The following TTC29 variants were observed in gnomAD, a reference collection of about 807,000 sequenced individuals.
TTC29 encodes tetratricopeptide repeat protein 29.
In TTC29, 49 loss-of-function variants were observed where a neutral mutation model predicts 58.1. The ratio of observed to expected loss-of-function variants is 0.84; its 90% CI spans 0.67 to 1.07. The LOEUF is 1.07. Among genes scored for constraint, TTC29 ranks in the 50% least tolerant of loss-of-function variants. The probability of loss-of-function intolerance (pLI) is 0.00; values close to 1 mark genes in which losing one functional copy is unlikely to be tolerated. For missense variants in TTC29, 582 were observed against 555.6 expected (o/e 1.05, Z -0.48); for synonymous variants, 209 against 196.8 (o/e 1.06, Z -0.52).
At chr4:146,799,237 G>A (rs1288465008) in intron 11 of TTC29, among the ~76,000 whole-genome samples, 1 of 152,168 alleles carries the variant, frequency 6.6e-6, no homozygotes, top group Non-Finnish European at 1.5e-5. Flanking sequence ...GTTCCTCTGT[G>A]ATTATAAGAT....
At chr4:146,882,916 A>G (rs1476331864) in intron 6 of TTC29, among the ~76,000 whole-genome samples, 1 of 152,018 alleles carries the variant, frequency 6.6e-6, no homozygotes, top group East Asian at 1.9e-4. Context: ...ACTATGTGCC[A>G]GGCGTGACAC....
intron 11 of TTC29, among the ~76,000 whole-genome samples, chr4:146,743,217 G>A (rs1745293526): frequency 6.6e-6 from 1 of 151,996 alleles, no homozygotes. Context: ...TTGGGAGGGT[G>A]GGTGAATGCA....
Position 146,751,853 on chromosome 4 carries a change from A to G in TTC29, c.1331-44302T>C, listed in dbSNP as rs145055084. On this transcript the variant is annotated intron_variant, in intron 11 of 12. Coordinates refer to ENST00000325106, the MANE Select transcript of TTC29 (RefSeq NM_031956.4). ...ATAAAAATCAGAACAGAAATAAATC[A>G]AATACAAAATAGAAAAATCATAAAA... is the stretch of plus-strand genomic sequence containing the variant. Among the ~76,000 whole-genome samples the G allele has an allele frequency of 2.0e-3, 312 of 152,300 alleles. 1 individual carries two copies. The highest frequency in any genetic ancestry group is 6.8e-3 in the Middle Eastern group (2 of 294).
intron 4 of TTC29, among the ~76,000 whole-genome samples, chr4:146,929,581 A>G (rs1735169285): frequency 6.6e-6 from 1 of 152,206 alleles, no homozygotes; most frequent in South Asian, 2.1e-4. Flanking sequence ...ATGCCTCCAC[A>G]GCCCTCCTTA....
At chr4:146,897,798 A>G (rs939508756) in intron 6 of TTC29, among the ~76,000 whole-genome samples, 1 of 152,190 alleles carries the variant, frequency 6.6e-6, no homozygotes, top group Non-Finnish European at 1.5e-5. Context: ...CAGTAAATGG[A>G]ATATTTGTCT....
intron 6 of TTC29, among the ~76,000 whole-genome samples, chr4:146,888,853 A>G (rs1031273043): frequency 6.6e-6 from 1 of 152,158 alleles, no homozygotes; most frequent in Non-Finnish European, 1.5e-5. Context: ...AAGAGCAGAC[A>G]GCGTCTGCTC....
intron 10 of TTC29, among the ~76,000 whole-genome samples, chr4:146,817,112 T>A (rs1429299129): frequency 1.3e-5 from 2 of 152,110 alleles, no homozygotes. Context: ...AAATAAAGGG[T>A]ATTCAATTAG....
rs186216894 is a variant in TTC29 at position 146,778,451 on chromosome 4, A to C, written c.1330+25006T>G. ...AAATTAACATAATCACACTGTGCAT[A>C]GAGAACATGGTCTGTATGATATCAA... On this transcript the variant is annotated intron_variant, in intron 11 of 12. Coordinates refer to ENST00000325106, the MANE Select transcript of TTC29 (RefSeq NM_031956.4). Among the ~76,000 whole-genome samples the C allele has an allele frequency of 6.6e-5, 10 of 152,300 alleles. No individual in the cohort carries two copies. In the East Asian group the frequency reaches 1.9e-3, roughly 29 times the overall value.
intron 6 of TTC29, among the ~76,000 whole-genome samples, chr4:146,882,456 TCA>T (rs1354999041): frequency 2.0e-5 from 3 of 152,144 alleles, no homozygotes; most frequent in African/African-American, 7.2e-5. Flanking sequence ...ACTATTTTCC[TCA>T]TATAATAAAT....
At chr4:146,773,864 A>C (rs1466337237) in intron 11 of TTC29, among the ~76,000 whole-genome samples, 1 of 151,570 alleles carries the variant, frequency 6.6e-6, no homozygotes, top group Non-Finnish European at 1.5e-5. Context: ...CTGTGAATCC[A>C]TCTGGTCCTG....
intron 4 of TTC29, among the ~76,000 whole-genome samples, chr4:146,919,753 A>C (rs1039489828): frequency 6.6e-6 from 1 of 151,120 alleles, no homozygotes; most frequent in African/African-American, 2.4e-5. Context: ...ATTTTCTTTT[A>C]GTTTTCTACA....
Position 146,707,488 on chromosome 4 carries a change from C to CTGAG in TTC29, c.1390_1393dup (p.Ser465ThrfsTer3). 1 of 1,608,962 alleles carries CTGAG rather than the reference C, an allele frequency of 6.2e-7. No individual in the cohort carries two copies. The highest frequency in any genetic ancestry group is 2.2e-5 in the East Asian group (1 of 44,786). On this transcript the variant is annotated frameshift_variant, in exon 12 of 13. Coordinates refer to ENST00000325106, the MANE Select transcript of TTC29 (RefSeq NM_031956.4). LOFTEE classifies it low-confidence loss of function (END_TRUNC). ...CTTTTTACTTGATTTATCATACCTA[C>CTGAG]TGAGTTCTTCCAAACGTTCTGAGTT...
intron 11 of TTC29, among the ~76,000 whole-genome samples, chr4:146,801,978 CAAAAA>C (rs57486017): frequency 4.4e-4 from 17 of 38,792 alleles, no homozygotes; most frequent in South Asian, 1.9e-3. Flanking sequence ...GACTCTGTCT[CAAAAA>C]AAAAAAAAAA....
intron 11 of TTC29, among the ~76,000 whole-genome samples, chr4:146,801,600 C>T (rs1750220491): frequency 6.7e-6 from 1 of 149,882 alleles, no homozygotes; most frequent in African/African-American, 2.4e-5. Flanking sequence ...CTCCTAAGTC[C>T]TGTTGGAAAA....
intron 6 of TTC29, among the ~76,000 whole-genome samples, chr4:146,878,471 C>T (rs1269709344): frequency 6.6e-6 from 1 of 152,046 alleles, no homozygotes; most frequent in Admixed American, 6.6e-5. Context: ...ATGATAGTTG[C>T]TTTTTCACTA....
chr4:146,787,684 C>T (rs1020715014), intron 11 of TTC29, among the ~76,000 whole-genome samples: 6 of 152,060 alleles, frequency 3.9e-5, no homozygotes, highest in East Asian at 1.9e-4. Flanking sequence ...AAACTTGCAG[C>T]GTATTCATTT....
intron 8 of TTC29, among the ~76,000 whole-genome samples, chr4:146,866,293 GTCCTTGCT>G (rs952515479): frequency 1.2e-3 from 176 of 152,240 alleles, no homozygotes; most frequent in African/African-American, 4.0e-3. Flanking sequence ...TTCCACCTAA[GTCCTTGCT>G]TCCCAACACA....
At chr4:146,887,856 T>A (rs1403577443) in intron 6 of TTC29, among the ~76,000 whole-genome samples, 2 of 152,086 alleles carry the variant, frequency 1.3e-5, no homozygotes, top group Admixed American at 1.3e-4. Context: ...GAACAATTCT[T>A]CCTTCTTCTA....
chr4:146,759,461 A>G (rs1043891425), intron 11 of TTC29, among the ~76,000 whole-genome samples: 1 of 152,100 alleles, frequency 6.6e-6, no homozygotes, highest in Non-Finnish European at 1.5e-5. Flanking sequence ...CTAATACCAA[A>G]ACCAGGAAAG....
Sources: allele counts gnomAD v4.1 joint callset (sites outside exome capture counted in the v4.1 genomes callset), GRCh38; gene constraint gnomAD v4.1.1; transcripts MANE v1.5; gene names NCBI Gene and HGNC (gene_info 2026-07-23, HGNC 2026-07-21).